Variants in ZNF16 observed in about 807,000 individuals in gnomAD.
ZNF16 encodes the protein zinc finger protein KOX9.
In ZNF16, 7 loss-of-function variants were observed where a neutral mutation model predicts 9.0. That is an observed-to-expected ratio of 0.78 (90% CI 0.44 to 1.47). ZNF16 has a LOEUF of 1.47. ZNF16 is among the 40% of genes most tolerant of loss of function. ZNF16 has a pLI of 0.01. For missense variants in ZNF16, 830 were observed against 854.2 expected, an observed-to-expected ratio of 0.97 and a Z score of 0.35; for synonymous variants, 312 against 301.5, an observed-to-expected ratio of 1.03 and a Z score of -0.36.
Position 144,931,579 on chromosome 8 carries a change from T to C in ZNF16, c.1208A>G (p.Lys403Arg), listed in dbSNP as rs534526619. 11 of 1,614,170 alleles carry C rather than the reference T, an allele frequency of 6.8e-6. No homozygotes were observed. The highest frequency in any genetic ancestry group is 5.3e-5 in the African/African-American group (4 of 75,020). ...GCCACAATCATTACACTCATAAGGCTTCTCTCCAGTGTGGACCCTCTGGTG... is the reference window on the plus strand; with the variant it reads ...GCCACAATCATTACACTCATAAGGCCTCTCTCCAGTGTGGACCCTCTGGTG... ...RKHQRVHTGE[K>R]PYECNDCGKP... The change falls in exon 3 of 3, where the codon AAG becomes AGG. Residue 403 changes from lysine (K) to arginine (R), a missense_variant. Coordinates refer to ENST00000394909, the MANE Select transcript of ZNF16 (RefSeq NM_006958.3).
chr8:144,931,910 A>C lies in ZNF16; in HGVS notation c.877T>G (p.Tyr293Asp). ...HQSHHSSERP[Y>D]MCNECGKAFS... ...GCTTTTCCACATTCATTACACATAT[A>C]AGGCCTCTCACTGCTGTGGTGACTC... The change falls in exon 3 of 3, where the codon TAT becomes GAT. Residue 293 changes from tyrosine to aspartate, a missense_variant. Physicochemically the swap from Tyr to Asp is radical, Grantham distance 160 (BLOSUM62 -3). Transcript: ENST00000394909. The C allele has an allele frequency of 6.2e-7, 1 of 1,614,146 alleles. No individual in the cohort carries two copies. The highest frequency in any genetic ancestry group is 8.5e-7 in the Non-Finnish European group (1 of 1,180,030).
In ZNF16 at chr8:144,933,011, G is replaced by A. The variant is rs1222883701; in HGVS notation, c.197-421C>T. Among the ~76,000 whole-genome samples the A allele has an allele frequency of 2.6e-5, 4 of 152,092 alleles. No individual in the cohort carries two copies. The highest frequency in any genetic ancestry group is 4.1e-4 in the South Asian group (2 of 4,824). On this transcript the variant is annotated intron_variant, in intron 2 of 2. Transcript: ENST00000394909. This position sits in a 1 kb window ranked among gnomAD's most constrained non-coding sequence, Gnocchi z 5.6. Reference sequence around the variant, plus strand: ...CTTCTCCCACCTGTACCAGAAAAACGTCTCACACCACTCCTTACACTGTTA... The same window carrying A: ...CTTCTCCCACCTGTACCAGAAAAACATCTCACACCACTCCTTACACTGTTA...
In ZNF16 at chr8:144,931,064, A is replaced by C; in HGVS notation, c.1723T>G (p.Cys575Gly). Residue 575 changes from cysteine (C) to glycine (G), a missense_variant, in exon 3 of 3, where the codon TGT (cysteine) becomes GGT (glycine). Coordinates refer to ENST00000394909, the MANE Select transcript of ZNF16 (RefSeq NM_006958.3). ...RIHNGLKPHE[C>G]NQCGKAFNRS... ...TTGAAGGCTTTACCACACTGGTTACATTCATGGGGCTTCAGCCCATTATGA... is the reference window on the plus strand; with the variant it reads ...TTGAAGGCTTTACCACACTGGTTACCTTCATGGGGCTTCAGCCCATTATGA... 1 of 1,614,218 alleles carries C rather than the reference A, an allele frequency of 6.2e-7. No individual in the cohort carries two copies. The highest frequency in any genetic ancestry group is 8.5e-7 in the Non-Finnish European group (1 of 1,180,040).
At chr8:144,938,356 T>G (rs1833731163) in intron 2 of ZNF16, among the ~76,000 whole-genome samples, 1 of 152,262 alleles carries the variant, frequency 6.6e-6, no homozygotes, top group African/African-American at 2.4e-5. Context: ...CTCTAGGTAG[T>G]TTGGATGATT....
chr8:144,935,947 A>G (rs1232299428), intron 2 of ZNF16, among the ~76,000 whole-genome samples: 1 of 150,472 alleles, frequency 6.6e-6, no homozygotes, highest in Non-Finnish European at 1.5e-5. Flanking sequence ...TGAAATTAAC[A>G]TAACATAAAA....
chr8:144,945,826 A>C (rs1444965177), intron 2 of ZNF16, 185 bp downstream of exon 2: 1 of 1,208,832 alleles, frequency 8.3e-7, no homozygotes, highest in African/African-American at 1.5e-5. Context: ...AGTTCTGCTC[A>C]AGGTGCCAGG....
chr8:144,936,555 G>GT (rs1299653038), intron 2 of ZNF16, among the ~76,000 whole-genome samples: 2 of 151,878 alleles, frequency 1.3e-5, no homozygotes, highest in Non-Finnish European at 2.9e-5. Flanking sequence ...TTTATCTTTT[G>GT]TTTTTTTGAT....
rs190046966 is a variant in ZNF16 at position 144,934,019 on chromosome 8, C to T, written c.197-1429G>A. 2.5e-3 allele frequency among the ~76,000 whole-genome samples: 375 copies of T among 152,300 alleles called. 1 individual carries two copies. The highest frequency in any genetic ancestry group is 8.6e-3 in the African/African-American group (357 of 41,564). Reference sequence around the variant, plus strand: ...CCCCTCCAATGCCCCTCCCACCTTGCGGCGTCCACTCTGCTCCCTCCCTGC... The same window carrying T: ...CCCCTCCAATGCCCCTCCCACCTTGTGGCGTCCACTCTGCTCCCTCCCTGC... On this transcript the variant is annotated intron_variant, in intron 2 of 2. Coordinates refer to ENST00000394909, the MANE Select transcript of ZNF16 (RefSeq NM_006958.3).
chr8:144,934,332 G>A (rs1833630989), intron 2 of ZNF16, among the ~76,000 whole-genome samples: 1 of 152,226 alleles, frequency 6.6e-6, no homozygotes, highest in African/African-American at 2.4e-5. Context: ...CTGGGATCAG[G>A]CCTCTCCTCT....
intron 2 of ZNF16, among the ~76,000 whole-genome samples, chr8:144,942,186 G>A (rs535603964): frequency 1.3e-5 from 2 of 150,402 alleles, no homozygotes; most frequent in East Asian, 2.0e-4. Context: ...CACTGTGTTA[G>A]CCGGGATGGT....
rs1586958089 is a variant in ZNF16, at chr8:144,944,594, GTCTGTGC to G, written c.196+1410_196+1416del. On this transcript the variant is annotated intron_variant, in intron 2 of 2. Transcript: ENST00000394909. ...AAGTTTTTGTCTACTTAAGTCCAATGTCTGTGCTTTCTCCAGGACACTTTTTGTCAGT... is the reference window on the plus strand; with the variant it reads ...AAGTTTTTGTCTACTTAAGTCCAATGTTTCTCCAGGACACTTTTTGTCAGT... 5 of 152,364 alleles carry G rather than the reference GTCTGTGC, an allele frequency of 3.3e-5. No homozygotes were observed. The East Asian group carries it at 9.7e-4, about 29-fold the overall frequency. 9.4% of individuals were successfully genotyped at this position (152,364 alleles called of 1,614,324 possible). A position where few individuals can be genotyped will look rare whatever the true frequency, so the allele number is the denominator to read the frequency against.
At position 144,933,047 on chromosome 8, in the gene ZNF16, CCTT is replaced by C. The variant is rs1833596001; in HGVS notation, c.197-460_197-458del. ...CTCCTTACACTGTTACATATTTCACCCTTTTTTCTGTCCACACTGCCAGGTGTG... is the reference window on the plus strand; with the variant it reads ...CTCCTTACACTGTTACATATTTCACCTTTTCTGTCCACACTGCCAGGTGTG... On this transcript the variant is annotated intron_variant, in intron 2 of 2. Coordinates refer to ENST00000394909, the MANE Select transcript of ZNF16 (RefSeq NM_006958.3). This position sits in a 1 kb window ranked among gnomAD's most constrained non-coding sequence, Gnocchi z 5.6. 1.3e-5 allele frequency among the ~76,000 whole-genome samples: 2 copies of C among 151,530 alleles called. No homozygotes were observed. The highest frequency in any genetic ancestry group is 4.9e-5 in the African/African-American group (2 of 40,864).
intron 2 of ZNF16, among the ~76,000 whole-genome samples, chr8:144,935,033 T>C (rs926898191): frequency 6.6e-6 from 1 of 152,132 alleles, no homozygotes; most frequent in East Asian, 1.9e-4. Context: ...TCAAAGTCTT[T>C]TATTGAGACA....
At chr8:144,943,698 T>G (rs1833856986) in intron 2 of ZNF16, among the ~76,000 whole-genome samples, 1 of 139,182 alleles carries the variant, frequency 7.2e-6, no homozygotes, top group South Asian at 2.3e-4. Context: ...TTTTGTAGTT[T>G]TAGTAGAGAC....
chr8:144,934,684 C>T (rs73381230), intron 2 of ZNF16, among the ~76,000 whole-genome samples: 7,344 of 152,230 alleles, frequency 0.048, 454 homozygotes, highest in African/African-American at 0.15. Context: ...ACTTGGGAGA[C>T]CGTTGCCCTC....
chr8:144,931,685 GGT>G lies in ZNF16; in HGVS notation c.1100_1101del (p.His367ProfsTer11), dbSNP rs766048044. On this transcript the variant is annotated frameshift_variant, in exon 3 of 3. Coordinates refer to ENST00000394909, the MANE Select transcript of ZNF16 (RefSeq NM_006958.3). LOFTEE classifies it low-confidence loss of function (END_TRUNC). ...AFRRSSNLIK[H>X]HRTHTGEKPF... ...GGCTTCTCTCCTGTGTGAGTCCTGT[GGT>G]GTTTGATGAGGTTTGAGCTTCGCCT... The G allele has an allele frequency of 9.1e-5, 147 of 1,613,878 alleles. No individual in the cohort carries two copies. Among genetic ancestry groups the G allele is most frequent in the Non-Finnish European group, 1.2e-4 (139 of 1,179,932 alleles).
In ZNF16 at chr8:144,932,017, C is replaced by T. The variant is rs779777833; in HGVS notation, c.770G>A (p.Arg257Gln). 23 of 1,613,994 alleles carry T rather than the reference C, an allele frequency of 1.4e-5. No homozygotes were observed. Among genetic ancestry groups the T allele is most frequent in the Middle Eastern group, 1.6e-4 (1 of 6,084 alleles). The change falls in exon 3 of 3, where the codon CGA (arginine) becomes CAA (glutamine). Residue 257 changes from arginine (R) to glutamine (Q), a missense_variant. Transcript: ENST00000394909. This position sits in a 1 kb window ranked among gnomAD's most constrained non-coding sequence, Gnocchi z 5.0. ...GTAAGCTTTCTCACTCATATGAGATCGATGACGGTTTTTAAGAACTGAGTT... is the reference window on the plus strand; with the variant it reads ...GTAAGCTTTCTCACTCATATGAGATTGATGACGGTTTTTAAGAACTGAGTT... ...SQNSVLKNRHRSHMSEKAYQC... is the reference protein window; with the variant it reads ...SQNSVLKNRHQSHMSEKAYQC...
rs779139015 is a variant in ZNF16 at position 144,930,830 on chromosome 8, C to T, written c.1957G>A (p.Gly653Arg). Residue 653 changes from glycine (G) to arginine (R), a missense_variant, in exon 3 of 3, where the codon GGG becomes AGG. By Grantham distance (125) the Gly-to-Arg change is moderately radical (BLOSUM62 -2). Coordinates refer to ENST00000394909, the MANE Select transcript of ZNF16 (RefSeq NM_006958.3). The part of the protein sequence containing the change: ...VLIQHQRIHT[G>R]VKPYDCAACG... ...GCAGCACAGTCATAGGGCTTCACCC[C>T]AGTGTGAATCCTCTGGTGCTGGATG... The T allele has an allele frequency of 1.9e-6, 3 of 1,591,030 alleles. No individual in the cohort carries two copies. In the Admixed American group the frequency reaches 5.2e-5, roughly 28 times the overall value.
rs543577024 is a variant in ZNF16 at position 144,945,794 on chromosome 8, T to C, written c.196+217A>G. ...CTGGTGGCCATCATGTCATACCTCT[T>C]CGTGTCAAGTGGGGAAATCACAGTT... On this transcript the variant is annotated intron_variant, in intron 2 of 2. Coordinates refer to ENST00000394909, the MANE Select transcript of ZNF16 (RefSeq NM_006958.3). 93 of 898,752 alleles carry C rather than the reference T, an allele frequency of 1.0e-4. No homozygotes were observed. The South Asian group carries it at 1.8e-3, about 18-fold the overall frequency. 55.7% of individuals were successfully genotyped at this position (898,752 alleles called of 1,614,324 possible).
Sources: allele counts gnomAD v4.1 joint callset (sites outside exome capture counted in the v4.1 genomes callset), GRCh38; gene constraint gnomAD v4.1.1; non-coding constraint Gnocchi (gnomAD v3.1); transcripts MANE v1.5; gene names NCBI Gene and HGNC (gene_info 2026-07-23, HGNC 2026-07-21).